ATF1: variants seen among roughly 807,000 people sequenced by gnomAD.
ATF1 encodes cyclic AMP-dependent transcription factor ATF-1.
ATF1 carries 16 observed loss-of-function variants against 34.7 expected under a neutral mutation model. The observed-to-expected ratio is 0.46, with a 90% CI of 0.31 to 0.70. The LOEUF (loss-of-function observed/expected upper bound fraction) is 0.70, where lower values mean the gene tolerates loss of function less well. Ranked by LOEUF, ATF1 falls within the 30% of genes least tolerant of loss-of-function variation. The pLI is 0.05. For synonymous variants in ATF1, 105 were observed against 113.1 expected (o/e 0.93, Z 0.46); for missense variants, 255 against 321.6 (o/e 0.79, Z 1.58).
intron 1 of ATF1, among the ~76,000 whole-genome samples, chr12:50,771,113 C>G (rs910056557): frequency 6.6e-6 from 1 of 152,052 alleles, no homozygotes; most frequent in African/African-American, 2.4e-5. Flanking sequence ...TCAAGTGATT[C>G]TCCTGCCTCA....
intron 2 of ATF1, among the ~76,000 whole-genome samples, chr12:50,782,554 CT>C (rs1192258164): frequency 9.0e-4 from 112 of 124,888 alleles, no homozygotes; most frequent in Middle Eastern, 5.1e-3. Flanking sequence ...CACACCCGGC[CT>C]TTTTTTTTTT....
rs979252807 is a variant in ATF1, at chr12:50,820,625, A to ATAT, written c.*851_*853dup. The ATAT allele has an allele frequency of 3.9e-5, 7 of 177,470 alleles. No homozygotes were observed. The highest frequency in any genetic ancestry group is 1.7e-4 in the African/African-American group (7 of 42,282). The allele number at this position is 177,470 out of a possible 1,614,324, so 11.0% of individuals were successfully genotyped here. ...AATGGAATGTTTACAGGCCCTTAAA[A>ATAT]TATTATTTTTAAAAAACCTTCTGAA... On this transcript the variant is annotated 3_prime_UTR_variant, in exon 7 of 7. Transcript: ENST00000262053.
rs549988507 is a variant in ATF1 at position 50,815,977 on chromosome 12, G to GA, written c.671+1544dup. 1.1e-4 allele frequency among the ~76,000 whole-genome samples: 17 copies of GA among 152,226 alleles called. No homozygotes were observed. The East Asian group carries it at 3.1e-3, about 28-fold the overall frequency. ...AAGTGAAATAAGCCAGGCACAAAAAGAAAAAATATCACATTCTCACTTATA... is the reference window on the plus strand; with the variant it reads ...AAGTGAAATAAGCCAGGCACAAAAAGAAAAAAATATCACATTCTCACTTATA... On this transcript the variant is annotated intron_variant, in intron 6 of 6. Coordinates refer to ENST00000262053, the MANE Select transcript of ATF1 (RefSeq NM_005171.5).
chr12:50,819,666 A>AAAG lies in ATF1; in HGVS notation c.706_708dup (p.Glu236dup). 6.2e-7 allele frequency: 1 copy of AAAG among 1,613,394 alleles called. No homozygotes were observed. Among genetic ancestry groups the AAAG allele is most frequent in the Non-Finnish European group, 8.5e-7 (1 of 1,179,822 alleles). ...TGCTCGAGAATGTCGCAGAAAGAAG[A>AAAG]AAGAATATGTGAAATGCCTGGAAAA... On this transcript the variant is annotated inframe_insertion, in exon 7 of 7. Transcript: ENST00000262053.
At chr12:50,813,952 C>G (rs1252614049) in intron 4 of ATF1, 58 bp from the exon 5 acceptor site, 2 of 1,508,150 alleles carry the variant, frequency 1.3e-6, no homozygotes, top group Non-Finnish European at 1.8e-6. Flanking sequence ...TTTTGCCACT[C>G]CTTTGAATTA....
rs182369097 is a variant in ATF1 at position 50,764,992 on chromosome 12, T to C, written c.-7+685T>C. On this transcript the variant is annotated intron_variant, in intron 1 of 6. Coordinates refer to ENST00000262053, the MANE Select transcript of ATF1 (RefSeq NM_005171.5). ...CCGAGGGTGACTTTCTCTTTGATCT[T>C]GTATGTCAAAAAACGAAGCCTGGCA... Among the ~76,000 whole-genome samples, 92 of 152,270 alleles carry C rather than the reference T, an allele frequency of 6.0e-4. 2 individuals are homozygous for C. The highest frequency in any genetic ancestry group is 5.3e-3 in the Admixed American group (81 of 15,296).
intron 3 of ATF1, among the ~76,000 whole-genome samples, chr12:50,805,979 C>T (rs1377972382): frequency 2.6e-5 from 4 of 151,972 alleles, no homozygotes; most frequent in Admixed American, 1.3e-4. Flanking sequence ...GGTGAAACCC[C>T]GTCTCCACTA....
chr12:50,816,260 G>A (rs1384400185), intron 6 of ATF1, among the ~76,000 whole-genome samples: 1 of 152,084 alleles, frequency 6.6e-6, no homozygotes, highest in Non-Finnish European at 1.5e-5. Context: ...CCAGGGGGTT[G>A]AGGCAGCATG....
intron 3 of ATF1, among the ~76,000 whole-genome samples, chr12:50,805,399 A>G (rs1290419687): frequency 6.6e-6 from 1 of 151,554 alleles, no homozygotes; most frequent in Admixed American, 6.6e-5. Flanking sequence ...CTACAAAAAA[A>G]TACAAAAAAT....
At chr12:50,812,755 T>C (rs1461204831) in intron 4 of ATF1, among the ~76,000 whole-genome samples, 1 of 151,888 alleles carries the variant, frequency 6.6e-6, no homozygotes, top group East Asian at 1.9e-4. Context: ...GCCCAGGAGG[T>C]AGAGTGCAGT....
chr12:50,784,091 A>T (rs1941131179), intron 2 of ATF1, among the ~76,000 whole-genome samples: 1 of 152,048 alleles, frequency 6.6e-6, no homozygotes, highest in Non-Finnish European at 1.5e-5. Context: ...TGAGCCCCAG[A>T]GGTCAAGGCT....
chr12:50,772,386 G>T (rs1426283722), intron 1 of ATF1, among the ~76,000 whole-genome samples: 1 of 148,730 alleles, frequency 6.7e-6, no homozygotes, highest in African/African-American at 2.5e-5. Flanking sequence ...GAGTGCAATG[G>T]CATGGTCTCG....
At chr12:50,792,053 T>C (rs1941313063) in intron 2 of ATF1, among the ~76,000 whole-genome samples, 1 of 152,180 alleles carries the variant, frequency 6.6e-6, no homozygotes, top group Non-Finnish European at 1.5e-5. Flanking sequence ...GCACAATCAG[T>C]TCCTCTGCCT....
chr12:50,772,103 A>G (rs1940786481), intron 1 of ATF1, among the ~76,000 whole-genome samples: 2 of 152,124 alleles, frequency 1.3e-5, no homozygotes, highest in South Asian at 4.1e-4. Context: ...TTCTTGTGCG[A>G]GATCCAAGAA....
chr12:50,808,717 G>A (rs1034024236), intron 3 of ATF1, among the ~76,000 whole-genome samples: 1 of 150,134 alleles, frequency 6.7e-6, no homozygotes, highest in Non-Finnish European at 1.5e-5. Context: ...TGGTGTAATA[G>A]TTTAAGTGTC....
At chr12:50,764,428 C>A (rs1283102938) in intron 1 of ATF1, 121 bp downstream of exon 1, 2 of 81,002 alleles carry the variant, frequency 2.5e-5, no homozygotes, top group Non-Finnish European at 2.5e-5. Flanking sequence ...GCGGTGGTGG[C>A]GGTGGGGGAG....
chr12:50,766,203 C>T (rs888219915), intron 1 of ATF1, among the ~76,000 whole-genome samples: 1 of 152,142 alleles, frequency 6.6e-6, no homozygotes, highest in Admixed American at 6.6e-5. Context: ...GACTATACTG[C>T]GGAAACCCAG....
chr12:50,772,124 G>A (rs191079327), intron 1 of ATF1, among the ~76,000 whole-genome samples: 6 of 152,196 alleles, frequency 3.9e-5, no homozygotes, highest in African/African-American at 1.4e-4. Flanking sequence ...CCCTCTGTTG[G>A]GGTCTGGATT....
At chr12:50,771,225 C>T (rs1272715302) in intron 1 of ATF1, among the ~76,000 whole-genome samples, 6 of 152,168 alleles carry the variant, frequency 3.9e-5, no homozygotes, top group Middle Eastern at 6.8e-3. Context: ...AGGCTGGCCT[C>T]GAACTCCTGA....
Sources: gnomAD v4.1 joint callset for allele counts (sites outside exome capture counted in the v4.1 genomes callset) on GRCh38, gnomAD v4.1.1 for gene constraint, MANE v1.5 for transcripts, NCBI Gene and HGNC (gene_info 2026-07-23, HGNC 2026-07-21) for gene names.